YTHDF1: variants seen among roughly 807,000 people sequenced by gnomAD.
YTHDF1 encodes the protein YTH domain-containing family protein 1.
YTHDF1 carries 16 observed loss-of-function variants against 49.1 expected under a neutral mutation model. The observed-to-expected ratio is 0.33, with a 90% confidence interval of 0.22 to 0.49. The LOEUF (loss-of-function observed/expected upper bound fraction) is 0.49. YTHDF1 is among the 20% of genes least tolerant of loss of function. The pLI is 0.99. For synonymous variants in YTHDF1, 313 were observed against 290.1 expected (o/e 1.08, Z -0.80); for missense variants, 621 against 744.3 (o/e 0.83, Z 1.93).
intron 4 of YTHDF1, among the ~76,000 whole-genome samples, chr20:63,199,783 G>A (rs1222650083): frequency 6.6e-6 from 1 of 152,184 alleles, no homozygotes; most frequent in African/African-American, 2.4e-5. Context: ...TTGACGCCGG[G>A]CACAGTGGCT....
In YTHDF1 at chr20:63,202,509, C is replaced by A; in HGVS notation, c.1431G>T (p.Gln477His). 6.2e-7 allele frequency: 1 copy of A among 1,614,238 alleles called. No individual in the cohort carries two copies. The change falls in exon 4 of 5, where the codon CAG becomes CAT. Residue 477 changes from glutamine (Q) to histidine (H), a missense_variant. Coordinates refer to ENST00000370339, the MANE Select transcript of YTHDF1 (RefSeq NM_017798.4). ...QDKWKGKFDV[Q>H]WIFVKDVPNN... ...TGGGTACATCCTTAACAAAAATCCACTGGACATCAAACTTCCCCTTCCACT... is the reference window on the plus strand; with the variant it reads ...TGGGTACATCCTTAACAAAAATCCAATGGACATCAAACTTCCCCTTCCACT...
chr20:63,215,750 C>A, intron 1 of YTHDF1, 116 bp downstream of exon 1: 1 of 1,373,266 alleles, frequency 7.3e-7, no homozygotes, highest in Non-Finnish European at 9.4e-7. Context: ...CCCGAGACCC[C>A]GGTCCCGCCT....
At chr20:63,209,894 C>A (rs1398369881) in intron 3 of YTHDF1, among the ~76,000 whole-genome samples, 2 of 152,226 alleles carry the variant, frequency 1.3e-5, no homozygotes, top group East Asian at 3.8e-4. Flanking sequence ...TGGATTCCTC[C>A]TGAAGAACCT....
intron 4 of YTHDF1, among the ~76,000 whole-genome samples, chr20:63,201,109 T>TAAATG (rs770484776): frequency 4.6e-5 from 7 of 151,008 alleles, no homozygotes; most frequent in Non-Finnish European, 8.8e-5. Flanking sequence ...TAACTGGAAA[T>TAAATG]AAATGACATC....
In YTHDF1 at chr20:63,206,594, C is replaced by T. The variant is rs1341025154; in HGVS notation, c.133-2787G>A. ...CATCCTGAGCCACAGAAGACGGTGA[C>T]GCTAATCAGCTCTGCTGGCAGCCCT... On this transcript the variant is annotated intron_variant, in intron 3 of 4. Transcript: ENST00000370339. Among the ~76,000 whole-genome samples the T allele has an allele frequency of 7.2e-5, 11 of 152,202 alleles. No homozygotes were observed. The South Asian group carries it at 1.9e-3, about 26-fold the overall frequency.
At chr20:63,209,143 C>T (rs930862215) in intron 3 of YTHDF1, among the ~76,000 whole-genome samples, 4 of 152,204 alleles carry the variant, frequency 2.6e-5, no homozygotes, top group Admixed American at 1.3e-4. Context: ...AGAGCACTTA[C>T]GGTGAATGGA....
At position 63,202,897 on chromosome 20, in the gene YTHDF1, C is replaced by T. The variant is rs767950938; in HGVS notation, c.1043G>A (p.Ser348Asn). The T allele has an allele frequency of 1.9e-6, 3 of 1,613,954 alleles. No homozygotes were observed. The highest frequency in any genetic ancestry group is 1.7e-5 in the Admixed American group (1 of 60,032). The change falls in exon 4 of 5, where the codon AGC (serine) becomes AAC (asparagine). Residue 348 changes from serine to asparagine, a missense_variant. Coordinates refer to ENST00000370339, the MANE Select transcript of YTHDF1 (RefSeq NM_017798.4). ...AGGCTGGACGTTTCCAGGAGAGTTG[C>T]TATCGCTGCCAGCCCCTCCGCTCTG... ...FGQSGGAGSD[S>N]NSPGNVQPNS...
chr20:63,206,045 G>A (rs1431097488), intron 3 of YTHDF1, among the ~76,000 whole-genome samples: 4 of 152,082 alleles, frequency 2.6e-5, no homozygotes, highest in African/African-American at 4.8e-5. Context: ...TCAGGGGGGC[G>A]GTCTGTGCAC....
At chr20:63,215,102 AAC>A (rs1373527245) in intron 2 of YTHDF1, among the ~76,000 whole-genome samples, 1 of 151,708 alleles carries the variant, frequency 6.6e-6, no homozygotes, top group East Asian at 1.9e-4. Context: ...AGTGTCACTT[AAC>A]AGTTTTCACA....
rs1299832344 is a variant in YTHDF1 at position 63,215,713 on chromosome 20, C to T, written c.28-112G>A. 2.8e-6 allele frequency: 4 copies of T among 1,418,002 alleles called. No individual in the cohort carries two copies. In the South Asian group the frequency reaches 4.5e-5, roughly 16 times the overall value. The allele number at this position is 1,418,002 out of a possible 1,614,324, so 87.8% of individuals were successfully genotyped here. On this transcript the variant is annotated intron_variant, in intron 1 of 4. Transcript: ENST00000370339. ...AACGGGCCGCGAGCTCCGCCGGCCC[C>T]GACGCGCGGTCACGTGCGACCCCGG...
chr20:63,196,826 C>T, intron 4 of YTHDF1, 92 bp from the exon 5 acceptor site: 1 of 1,493,970 alleles, frequency 6.7e-7, no homozygotes, highest in Non-Finnish European at 9.2e-7. Flanking sequence ...CTTAGCAGCA[C>T]CTGCAAATCT....
intron 2 of YTHDF1, 133 bp downstream of exon 2, chr20:63,215,444 C>T: frequency 1.6e-6 from 2 of 1,232,668 alleles, no homozygotes; most frequent in South Asian, 2.6e-5. Flanking sequence ...AATCGTCGCA[C>T]AACCTCAAGT....
At chr20:63,209,863 G>A (rs2066565692) in intron 3 of YTHDF1, among the ~76,000 whole-genome samples, 1 of 152,222 alleles carries the variant, frequency 6.6e-6, no homozygotes, top group Non-Finnish European at 1.5e-5. Context: ...GTCATCTCCT[G>A]TCACACCAAT....
chr20:63,200,671 G>A (rs1402095716), intron 4 of YTHDF1, among the ~76,000 whole-genome samples: 3 of 152,248 alleles, frequency 2.0e-5, no homozygotes, highest in East Asian at 3.9e-4. Flanking sequence ...CAGTTATCTA[G>A]ATCAAGTTTT....
At chr20:63,201,712 G>A (rs2066518280) in intron 4 of YTHDF1, among the ~76,000 whole-genome samples, 1 of 152,220 alleles carries the variant, frequency 6.6e-6, no homozygotes, top group African/African-American at 2.4e-5. Context: ...TAGATGGAGT[G>A]AGTTTGTTTC....
intron 4 of YTHDF1, among the ~76,000 whole-genome samples, chr20:63,199,773 T>C (rs1050350176): frequency 3.3e-5 from 5 of 151,888 alleles, no homozygotes; most frequent in African/African-American, 7.3e-5. Context: ...TAAAAGATAT[T>C]TGACGCCGGG....
In YTHDF1 at chr20:63,216,081, A is replaced by C. The variant is rs2122998285; in HGVS notation, c.-189T>G. On this transcript the variant is annotated 5_prime_UTR_variant, in exon 1 of 5. Transcript: ENST00000370339. ...AGGCGGCAGCGGCGGTGAGCCCGGG[A>C]CGCGGACGCACTGAGGAGGCGTCGA... The C allele has an allele frequency of 3.9e-6, 1 of 254,042 alleles. No homozygotes were observed. The highest frequency in any genetic ancestry group is 2.3e-5 in the African/African-American group (1 of 42,818). 15.7% of individuals were successfully genotyped at this position (254,042 alleles called of 1,614,324 possible).
chr20:63,208,214 G>A (rs1191364561), intron 3 of YTHDF1, among the ~76,000 whole-genome samples: 1 of 152,122 alleles, frequency 6.6e-6, no homozygotes, highest in Admixed American at 6.6e-5. Flanking sequence ...CCCTTCAGAA[G>A]CCCAAGAGGA....
intron 3 of YTHDF1, among the ~76,000 whole-genome samples, chr20:63,207,700 A>G (rs1415438035): frequency 1.3e-5 from 2 of 151,880 alleles, no homozygotes; most frequent in African/African-American, 4.8e-5. Context: ...TGACGACCTC[A>G]TCGAAGAAAG....
Sources: gnomAD v4.1 joint callset for allele counts (sites outside exome capture counted in the v4.1 genomes callset) on GRCh38, gnomAD v4.1.1 for gene constraint, MANE v1.5 for transcripts, NCBI Gene and HGNC (gene_info 2026-07-23, HGNC 2026-07-21) for gene names.